The following RELN variants were observed in gnomAD, a reference collection of about 807,000 sequenced individuals.
RELN encodes reelin.
A neutral mutation model predicts 427.6 loss-of-function variants in RELN; 108 were observed. The observed-to-expected ratio is 0.25, with a 90% CI of 0.22 to 0.30. The LOEUF (loss-of-function observed/expected upper bound fraction) is 0.30. RELN is among the 10% of genes least tolerant of loss of function. The pLI is 1.00. For synonymous variants in RELN, 1,524 were observed against 1,513.4 expected (o/e 1.01, Z -0.16); for missense variants, 3,715 against 4,302.8 (o/e 0.86, Z 3.82).
At chr7:103,928,321 A>G (rs1795789487) in intron 1 of RELN, among the ~76,000 whole-genome samples, 1 of 152,226 alleles carries the variant, frequency 6.6e-6, no homozygotes, top group South Asian at 2.1e-4. Flanking sequence ...AGCCAACTAA[A>G]TTCTCCCAAA....
At chr7:103,476,495 C>T (rs781148558) in intron 64 of RELN, among the ~76,000 whole-genome samples, 4 of 152,018 alleles carry the variant, frequency 2.6e-5, no homozygotes, top group Non-Finnish European at 5.9e-5. Flanking sequence ...AACAAACAAA[C>T]AAACAAACAA....
chr7:103,829,493 G>A (rs1302466684), intron 3 of RELN, among the ~76,000 whole-genome samples: 1 of 151,856 alleles, frequency 6.6e-6, no homozygotes, highest in African/African-American at 2.4e-5. Context: ...TATTGCCACA[G>A]GATCTGAATA....
intron 3 of RELN, among the ~76,000 whole-genome samples, chr7:103,816,567 A>ACACACACACACACACACACAC: frequency 6.0e-5 from 9 of 150,400 alleles, no homozygotes; most frequent in South Asian, 2.1e-4. Flanking sequence ...ACACACACAC[A>ACACACACACACACACACACAC]ACTAAGGCCT....
At chr7:103,532,903 T>C (rs1204441338) in intron 46 of RELN, among the ~76,000 whole-genome samples, 3 of 152,224 alleles carry the variant, frequency 2.0e-5, no homozygotes, top group Admixed American at 6.5e-5. Context: ...CCTGTGATTA[T>C]TGGTGATTTC....
chr7:103,717,537 A>C (rs539124414), intron 8 of RELN, among the ~76,000 whole-genome samples: 26 of 151,964 alleles, frequency 1.7e-4, no homozygotes, highest in African/African-American at 5.3e-4. Context: ...TAAGTCTTAA[A>C]TCTTAGTTGA....
At chr7:103,920,593 T>TTTA (rs57282777) in intron 1 of RELN, among the ~76,000 whole-genome samples, 5 of 129,416 alleles carry the variant, frequency 3.9e-5, no homozygotes, top group South Asian at 2.5e-4. Context: ...TTTTTTTTTT[T>TTTA]GAGAGAGTCT....
rs1237809567 is a variant in RELN at position 103,661,466 on chromosome 7, T to C, written c.1351A>G (p.Met451Val). Residue 451 changes from methionine (M) to valine (V), a missense_variant, in exon 12 of 65, where the codon ATG becomes GTG. Coordinates refer to ENST00000428762, the MANE Select transcript of RELN (RefSeq NM_005045.4). Reference protein sequence around the residue: ...ECGTIESGLSMVFLKDGERKL... With the variant: ...ECGTIESGLSVVFLKDGERKL... The stretch of plus-strand genomic sequence containing the variant: ...CTCTCTCCATCTTTGAGGAAGACCA[T>C]TGATAAGCCTGATTCTATCGTTCCA... 13 of 1,613,254 alleles carry C rather than the reference T, an allele frequency of 8.1e-6. No individual in the cohort carries two copies. The highest frequency in any genetic ancestry group is 4.4e-5 in the South Asian group (4 of 91,056).
chr7:103,658,763 T>G (rs1001345918), intron 12 of RELN, among the ~76,000 whole-genome samples: 1 of 151,904 alleles, frequency 6.6e-6, no homozygotes, highest in Non-Finnish European at 1.5e-5. Flanking sequence ...GGAAACTCCC[T>G]CCAAAGTCAC....
At chr7:103,817,585 T>C (rs1449392773) in intron 3 of RELN, among the ~76,000 whole-genome samples, 1 of 152,214 alleles carries the variant, frequency 6.6e-6, no homozygotes, top group East Asian at 1.9e-4. Flanking sequence ...AAGAAATCTG[T>C]AGGATTTCCT....
chr7:103,669,452 G>A (rs1833342788), intron 11 of RELN, among the ~76,000 whole-genome samples: 1 of 152,128 alleles, frequency 6.6e-6, no homozygotes, highest in Admixed American at 6.6e-5. Flanking sequence ...TCCTTAAGGA[G>A]ATCCCAGAGC....
chr7:103,508,436 T>C (rs1829288096), intron 51 of RELN, among the ~76,000 whole-genome samples: 1 of 152,244 alleles, frequency 6.6e-6, no homozygotes, highest in South Asian at 2.1e-4. Context: ...GAAAAGGCCT[T>C]CGCCAATATT....
chr7:103,713,870 G>A (rs1359836707), intron 8 of RELN, among the ~76,000 whole-genome samples: 6 of 152,060 alleles, frequency 3.9e-5, no homozygotes. Context: ...CAGCACTGTA[G>A]AAAAATGATT....
At chr7:103,695,393 A>AT (rs200128328) in intron 10 of RELN, among the ~76,000 whole-genome samples, 1,710 of 152,000 alleles carry the variant, frequency 0.011, 34 homozygotes, top group African/African-American at 0.039. Context: ...TACTACAATG[A>AT]TTTTTTTTCC....
intron 41 of RELN, among the ~76,000 whole-genome samples, chr7:103,549,448 G>A (rs991416424): frequency 1.3e-5 from 2 of 152,088 alleles, no homozygotes; most frequent in African/African-American, 4.8e-5. Flanking sequence ...TTACCTTCAG[G>A]GGAATGAATT....
rs757218424 is a variant in RELN at position 103,989,274 on chromosome 7, C to G, written c.83G>C (p.Gly28Ala). 2 of 1,613,414 alleles carry G rather than the reference C, an allele frequency of 1.2e-6. No homozygotes were observed. The highest frequency in any genetic ancestry group is 1.7e-6 in the Non-Finnish European group (2 of 1,179,912). The change falls in exon 1 of 65, where the codon GGC becomes GCC. Residue 28 changes from glycine to alanine, a missense_variant. Physicochemically the swap from Gly to Ala is moderately conservative, Grantham distance 60 (BLOSUM62 0). Around this residue, in one of 4 missense-constraint regions of RELN, gnomAD observed 2,208 missense variants for 2,361.7 expected, o/e 0.93. Coordinates refer to ENST00000428762, the MANE Select transcript of RELN (RefSeq NM_005045.4). This position sits in a 1 kb window ranked among gnomAD's most constrained non-coding sequence, Gnocchi z 4.9. ...GATLRARAAA[G>A]YYPRFSPFFF... Reference sequence around the variant, plus strand: ...GAAGGGCGAAAAGCGGGGGTAATAGCCAGCCGCCGCGCGCGCCCTCAGCGT... The same window carrying G: ...GAAGGGCGAAAAGCGGGGGTAATAGGCAGCCGCCGCGCGCGCCCTCAGCGT...
At chr7:103,736,214 C>A (rs1790488471) in intron 6 of RELN, among the ~76,000 whole-genome samples, 1 of 152,140 alleles carries the variant, frequency 6.6e-6, no homozygotes, top group Non-Finnish European at 1.5e-5. Context: ...ACCTCAACAA[C>A]CAAATACTCA....
At chr7:103,826,856 G>A (rs1198665698) in intron 3 of RELN, among the ~76,000 whole-genome samples, 1 of 152,048 alleles carries the variant, frequency 6.6e-6, no homozygotes, top group Non-Finnish European at 1.5e-5. Flanking sequence ...AAGTACAATA[G>A]TAATCCCATC....
intron 2 of RELN, among the ~76,000 whole-genome samples, chr7:103,900,221 T>C (rs562076432): frequency 1.3e-5 from 2 of 152,108 alleles, no homozygotes; most frequent in African/African-American, 4.8e-5. Context: ...ATAAAACACC[T>C]AGGAATACAA....
At chr7:103,508,344 A>T (rs1829285347) in intron 51 of RELN, among the ~76,000 whole-genome samples, 1 of 152,218 alleles carries the variant, frequency 6.6e-6, no homozygotes, top group South Asian at 2.1e-4. Context: ...CTGGGATACA[A>T]GGCTGGTTCA....
Sources: gnomAD v4.1 joint callset for allele counts (sites outside exome capture counted in the v4.1 genomes callset) on GRCh38, gnomAD v4.1.1 for gene constraint, gnomAD v4.1.1 regional missense constraint, Gnocchi (gnomAD v3.1) non-coding constraint, MANE v1.5 for transcripts, NCBI Gene and HGNC (gene_info 2026-07-23, HGNC 2026-07-21) for gene names.